The following TENM3 variants were observed in gnomAD, a reference collection of about 807,000 sequenced individuals.
The protein encoded by TENM3 is teneurin transmembrane protein 3.
Under a neutral mutation model 255.1 loss-of-function variants are expected in TENM3, and 63 were observed. The observed-to-expected ratio is 0.25, with a 90% CI of 0.20 to 0.30. The LOEUF (loss-of-function observed/expected upper bound fraction) is 0.30, where lower values mean the gene tolerates loss of function less well. Among genes scored for constraint, TENM3 ranks in the 10% least tolerant of loss-of-function variants. TENM3 has a pLI of 1.00. For synonymous variants in TENM3, 1,306 were observed against 1,322.3 expected, an observed-to-expected ratio of 0.99 and a Z score of 0.27; for missense variants, 2,929 against 3,461.1, an observed-to-expected ratio of 0.85 and a Z score of 3.86.
At chr4:181,859,242 CAAAAAAA>C in the TENM3 span, among the ~76,000 whole-genome samples, 15 of 84,142 alleles carry the variant, frequency 1.8e-4, no homozygotes, top group Admixed American at 6.9e-4. Context: ...GACTCGGTCT[CAAAAAAA>C]AAAAAAAAAA....
chr4:181,800,682 C>T, the TENM3 span, among the ~76,000 whole-genome samples: 3 of 152,134 alleles, frequency 2.0e-5, no homozygotes, highest in African/African-American at 7.2e-5. Context: ...TGACTTGCTC[C>T]TGGTTGTTCA....
the TENM3 span, among the ~76,000 whole-genome samples, chr4:181,604,122 G>A: frequency 7.2e-5 from 11 of 152,016 alleles, no homozygotes; most frequent in South Asian, 4.2e-4. Context: ...AAAATTAGCC[G>A]GGCGTGGTGG....
chr4:181,478,668 C>A, the TENM3 span, among the ~76,000 whole-genome samples: 1 of 152,142 alleles, frequency 6.6e-6, no homozygotes, highest in Non-Finnish European at 1.5e-5. Context: ...CTTCAGCATA[C>A]TTTCTTTAAG....
the TENM3 span, among the ~76,000 whole-genome samples, chr4:181,596,680 C>A: frequency 2.0e-5 from 3 of 152,156 alleles, no homozygotes; most frequent in Admixed American, 2.0e-4. Flanking sequence ...TAGAGTCAAC[C>A]TAAATGCCCA....
chr4:182,250,424 A>T (rs1352787952), intron 1 of TENM3, among the ~76,000 whole-genome samples: 2 of 152,176 alleles, frequency 1.3e-5, no homozygotes, highest in Non-Finnish European at 2.9e-5. Flanking sequence ...CTTATTTGGC[A>T]GATGAGGAAA....
At chr4:182,217,849 T>C (rs1469591246) in intron 1 of TENM3, among the ~76,000 whole-genome samples, 1 of 152,188 alleles carries the variant, frequency 6.6e-6, no homozygotes, top group Non-Finnish European at 1.5e-5. Context: ...GTTATGAATA[T>C]TAAAGCCCCA....
intron 4 of TENM3, 106 bp downstream of exon 4, chr4:182,601,267 T>C: frequency 1.1e-6 from 1 of 899,646 alleles, no homozygotes; most frequent in Admixed American, 2.9e-5. Flanking sequence ...TTGTTGTTGT[T>C]GTGTTTTCTT....
chr4:182,328,498 G>C (rs1373000039), intron 2 of TENM3, among the ~76,000 whole-genome samples: 1 of 152,158 alleles, frequency 6.6e-6, no homozygotes, highest in Non-Finnish European at 1.5e-5. Context: ...TTACAGGCGT[G>C]AGCCACTGCA....
chr4:182,496,929 T>C (rs1735822348), intron 3 of TENM3, among the ~76,000 whole-genome samples: 1 of 152,188 alleles, frequency 6.6e-6, no homozygotes, highest in Admixed American at 6.5e-5. Flanking sequence ...AGACATATTG[T>C]AGAATACACC....
chr4:182,158,037 A>C (rs1050189781), intron 1 of TENM3, among the ~76,000 whole-genome samples: 1 of 152,254 alleles, frequency 6.6e-6, no homozygotes, highest in Admixed American at 6.5e-5. Context: ...GAAAAACAAC[A>C]GAGCAAGTTT....
In TENM3 at chr4:182,699,232, A is replaced by G. The variant is rs528700577; in HGVS notation, c.2221+10881A>G. On this transcript the variant is annotated intron_variant, in intron 12 of 27. Transcript: ENST00000511685. The stretch of plus-strand genomic sequence containing the variant: ...AGGCGGGCCCACTGGCATTAGAAGC[A>G]GCTGTTTCAGAAAGAATGGAGAGTT... 7.2e-5 allele frequency among the ~76,000 whole-genome samples: 11 copies of G among 152,368 alleles called. No homozygotes were observed. In the South Asian group the frequency reaches 2.3e-3, roughly 32 times the overall value.
chr4:181,634,566 G>A, the TENM3 span, among the ~76,000 whole-genome samples: 1 of 151,934 alleles, frequency 6.6e-6, no homozygotes, highest in African/African-American at 2.4e-5. Context: ...TGATCTTACT[G>A]TTGTGAGGTA....
At chr4:181,466,588 TCA>T in the TENM3 span, among the ~76,000 whole-genome samples, 5 of 152,140 alleles carry the variant, frequency 3.3e-5, no homozygotes, top group Non-Finnish European at 5.9e-5. Flanking sequence ...GAAGAACACA[TCA>T]CAGTCAGATT....
chr4:182,424,293 T>A (rs1455779298), intron 3 of TENM3, among the ~76,000 whole-genome samples: 1 of 152,156 alleles, frequency 6.6e-6, no homozygotes, highest in Non-Finnish European at 1.5e-5. Flanking sequence ...AATGTAATGT[T>A]TGTTATAAAT....
rs1290204925 is a variant in TENM3, at chr4:182,754,108, A to G, written c.4018-277A>G. 6.6e-6 allele frequency among the ~76,000 whole-genome samples: 1 copy of G among 152,238 alleles called. No individual in the cohort carries two copies. ...TAAGGAACATGTGTGTTCATAGCTC[A>G]TCGATATCTGTTGACTCACTACGTA... On this transcript the variant is annotated intron_variant, in intron 21 of 27. Transcript: ENST00000511685. The surrounding 1 kb of genome is among the most constrained non-coding windows in gnomAD (Gnocchi z 5.1).
chr4:182,634,894 A>G (rs1751715407), intron 5 of TENM3, among the ~76,000 whole-genome samples: 1 of 152,198 alleles, frequency 6.6e-6, no homozygotes. Context: ...TGTCAATGTT[A>G]TACACATAGA....
chr4:182,669,784 A>C (rs2152546198), intron 6 of TENM3, among the ~76,000 whole-genome samples: 1 of 152,266 alleles, frequency 6.6e-6, no homozygotes, highest in East Asian at 1.9e-4. Flanking sequence ...TATACAACAG[A>C]TGGTTTTGGA....
intron 3 of TENM3, among the ~76,000 whole-genome samples, chr4:182,587,354 G>A (rs954754908): frequency 2.6e-5 from 4 of 152,038 alleles, no homozygotes; most frequent in Non-Finnish European, 4.4e-5. Context: ...GATCACCTGA[G>A]GTCAGGAGTT....
chr4:181,984,555 T>A, the TENM3 span, among the ~76,000 whole-genome samples: 2 of 151,998 alleles, frequency 1.3e-5, 1 homozygote, highest in Non-Finnish European at 2.9e-5. Flanking sequence ...TGTGTATATG[T>A]GTTTCATTGT....
Sources: gnomAD v4.1 joint callset for allele counts (sites outside exome capture counted in the v4.1 genomes callset) on GRCh38, gnomAD v4.1.1 for gene constraint, Gnocchi (gnomAD v3.1) non-coding constraint, MANE v1.5 for transcripts, NCBI Gene and HGNC (gene_info 2026-07-23, HGNC 2026-07-21) for gene names.